Variants in ABTB3 observed in about 807,000 individuals in gnomAD.
ABTB3 encodes ankyrin repeat- and BTB/POZ domain-containing protein 3.
chr12:107,502,327 C>T, the ABTB3 span, among the ~76,000 whole-genome samples: 8 of 152,010 alleles, frequency 5.3e-5, no homozygotes, highest in African/African-American at 1.9e-4. Context: ...ACCTCAGCCT[C>T]CCAACATGCT....
chr12:107,522,194 A>T, the ABTB3 span, among the ~76,000 whole-genome samples: 1 of 151,920 alleles, frequency 6.6e-6, no homozygotes, highest in Non-Finnish European at 1.5e-5. Flanking sequence ...AACCCTAATA[A>T]TTTGCCAAAG....
the ABTB3 span, among the ~76,000 whole-genome samples, chr12:107,345,788 G>A: frequency 2.0e-5 from 3 of 152,348 alleles, no homozygotes; most frequent in East Asian, 5.8e-4. Context: ...GGTGGGTGGG[G>A]AGGTGGGACA....
the ABTB3 span, among the ~76,000 whole-genome samples, chr12:107,323,205 C>T: frequency 2.6e-5 from 4 of 152,128 alleles, no homozygotes; most frequent in African/African-American, 9.7e-5. Context: ...GCCTTGAACT[C>T]CTGAGCTCAA....
At chr12:107,321,253 A>T in the ABTB3 span, among the ~76,000 whole-genome samples, 1 of 152,278 alleles carries the variant, frequency 6.6e-6, no homozygotes, top group South Asian at 2.1e-4. Flanking sequence ...CTGGAGGAGC[A>T]CTGCGGTGGG....
the ABTB3 span, among the ~76,000 whole-genome samples, chr12:107,486,322 G>T: frequency 6.6e-6 from 1 of 152,146 alleles, no homozygotes; most frequent in Non-Finnish European, 1.5e-5. Context: ...GCAAACATTA[G>T]CCTGAGTGCC....
chr12:107,373,349 A>G, the ABTB3 span, among the ~76,000 whole-genome samples: 1 of 152,078 alleles, frequency 6.6e-6, no homozygotes, highest in East Asian at 1.9e-4. Flanking sequence ...AAAATATATG[A>G]GAAGATTCAG....
At chr12:107,340,670 C>A in the ABTB3 span, among the ~76,000 whole-genome samples, 1 of 149,820 alleles carries the variant, frequency 6.7e-6, no homozygotes, top group Non-Finnish European at 1.5e-5. Context: ...CTTGGAGAAT[C>A]GATTAAGTGG....
chr12:107,340,462 G>A, the ABTB3 span, among the ~76,000 whole-genome samples: 62,562 of 152,062 alleles, frequency 0.41, 15,034 homozygotes, highest in African/African-American at 0.68. Context: ...AAACCAAACA[G>A]TGAGCCTTCT....
At chr12:107,395,694 A>G in the ABTB3 span, among the ~76,000 whole-genome samples, 5 of 152,170 alleles carry the variant, frequency 3.3e-5, no homozygotes, top group Non-Finnish European at 7.3e-5. Flanking sequence ...AGGTGCTGTA[A>G]GAGTGCCATC....
At chr12:107,629,043 C>G in the ABTB3 span, among the ~76,000 whole-genome samples, 1 of 152,136 alleles carries the variant, frequency 6.6e-6, no homozygotes, top group African/African-American at 2.4e-5. Context: ...AGAGTGGAGT[C>G]AAAGGAGAAG....
At chr12:107,370,887 G>A in the ABTB3 span, among the ~76,000 whole-genome samples, 1 of 147,128 alleles carries the variant, frequency 6.8e-6, no homozygotes, top group Non-Finnish European at 1.5e-5. Context: ...GGATCCAAAA[G>A]TTGTTTTCGA....
At chr12:107,319,684 C>T in the ABTB3 span, 2 of 1,535,780 alleles carry the variant, frequency 1.3e-6, no homozygotes, top group Non-Finnish European at 1.7e-6. Context: ...TCCGGGACAT[C>T]TACTCGCGGG....
At chr12:107,371,893 C>T in the ABTB3 span, among the ~76,000 whole-genome samples, 1 of 152,142 alleles carries the variant, frequency 6.6e-6, no homozygotes. Context: ...CAGGATCCTT[C>T]TCAACACAGT....
chr12:107,563,825 T>C, the ABTB3 span, among the ~76,000 whole-genome samples: 1 of 152,156 alleles, frequency 6.6e-6, no homozygotes, highest in Non-Finnish European at 1.5e-5. Flanking sequence ...AAATGCCTGG[T>C]CATTTGCTGT....
the ABTB3 span, among the ~76,000 whole-genome samples, chr12:107,506,969 T>G: frequency 6.6e-6 from 1 of 152,218 alleles, no homozygotes; most frequent in African/African-American, 2.4e-5. Flanking sequence ...TTTATCTCTT[T>G]CTTATTATTG....
At chr12:107,401,522 GC>G in the ABTB3 span, among the ~76,000 whole-genome samples, 3 of 152,166 alleles carry the variant, frequency 2.0e-5, no homozygotes, top group Non-Finnish European at 4.4e-5. Flanking sequence ...CAGTAGTCTG[GC>G]AAAAAGAGAC....
chr12:107,372,632 C>T, the ABTB3 span, among the ~76,000 whole-genome samples: 1 of 152,164 alleles, frequency 6.6e-6, no homozygotes, highest in East Asian at 1.9e-4. Flanking sequence ...GCGTGGACTT[C>T]CTGCCACACC....
chr12:107,380,315 G>A, the ABTB3 span, among the ~76,000 whole-genome samples: 6 of 152,128 alleles, frequency 3.9e-5, no homozygotes, highest in Non-Finnish European at 8.8e-5. Flanking sequence ...GATTAGGGAC[G>A]GAGTGCCTTT....
the ABTB3 span, among the ~76,000 whole-genome samples, chr12:107,609,513 G>T: frequency 1.3e-5 from 2 of 152,090 alleles, no homozygotes; most frequent in African/African-American, 4.8e-5. Context: ...TCTGTCCTGC[G>T]ACTGCGACTG....
Sources: gnomAD v4.1 joint callset for allele counts (sites outside exome capture counted in the v4.1 genomes callset) on GRCh38, gnomAD v4.1.1 for gene constraint, MANE v1.5 for transcripts, NCBI Gene and HGNC (gene_info 2026-07-23, HGNC 2026-07-21) for gene names.